Variants in C8orf34 observed in about 807,000 individuals in gnomAD.
C8orf34 encodes the protein chromosome 8 open reading frame 34, also known as uncharacterized protein C8orf34.
In C8orf34, 65 loss-of-function variants were observed where a neutral mutation model predicts 68.3. The observed-to-expected ratio is 0.95, with a 90% CI of 0.78 to 1.17. C8orf34 has a LOEUF of 1.17. C8orf34 is among the 50% of genes most tolerant of loss of function. The probability of loss-of-function intolerance (pLI) is 0.00; values close to 1 mark genes in which losing one functional copy is unlikely to be tolerated. For missense variants in C8orf34, 664 were observed against 655.4 expected (o/e 1.01, Z -0.14); for synonymous variants, 244 against 241.2 (o/e 1.01, Z -0.11).
chr8:68,739,316 C>T (rs1046674638), intron 10 of C8orf34, among the ~76,000 whole-genome samples: 5 of 151,998 alleles, frequency 3.3e-5, no homozygotes, highest in African/African-American at 1.2e-4. Context: ...CCATATCTGA[C>T]AAACCCACAG....
At chr8:68,671,900 T>C (rs1820023611) in intron 8 of C8orf34, among the ~76,000 whole-genome samples, 1 of 152,178 alleles carries the variant, frequency 6.6e-6, no homozygotes, top group Admixed American at 6.5e-5. Context: ...AGAATCTTTG[T>C]GCTAGATACA....
chr8:68,693,087 G>C (rs1370960466), intron 8 of C8orf34, among the ~76,000 whole-genome samples: 1 of 152,036 alleles, frequency 6.6e-6, no homozygotes, highest in Non-Finnish European at 1.5e-5. Flanking sequence ...TTCATTTCCT[G>C]TAGTCTTAGA....
chr8:68,685,157 C>T (rs189416587), intron 8 of C8orf34, among the ~76,000 whole-genome samples: 1 of 152,036 alleles, frequency 6.6e-6, no homozygotes, highest in Non-Finnish European at 1.5e-5. Flanking sequence ...AATGCTTGAA[C>T]CTATTGTTAT....
intron 1 of C8orf34, among the ~76,000 whole-genome samples, chr8:68,380,506 A>G (rs1013366967): frequency 3.3e-5 from 5 of 152,242 alleles, no homozygotes; most frequent in South Asian, 2.1e-4. Flanking sequence ...CCTGCTTCCA[A>G]TGTAATACAC....
chr8:68,425,198 A>G (rs930359756), intron 1 of C8orf34, among the ~76,000 whole-genome samples: 3 of 152,186 alleles, frequency 2.0e-5, no homozygotes, highest in Non-Finnish European at 4.4e-5. Flanking sequence ...GAAAAACTGA[A>G]TGCTTTTCCT....
intron 5 of C8orf34, among the ~76,000 whole-genome samples, chr8:68,506,832 C>G (rs1258961767): frequency 6.6e-6 from 1 of 152,026 alleles, no homozygotes; most frequent in African/African-American, 2.4e-5. Context: ...TACCACATCT[C>G]TTTTTTAATA....
intron 7 of C8orf34, among the ~76,000 whole-genome samples, chr8:68,598,446 A>G (rs1349212378): frequency 6.6e-6 from 1 of 152,184 alleles, no homozygotes; most frequent in African/African-American, 2.4e-5. Context: ...CCAGTTCCTC[A>G]GACAGCAAAG....
chr8:68,606,370 T>C (rs770131230), intron 7 of C8orf34, among the ~76,000 whole-genome samples: 8 of 152,144 alleles, frequency 5.3e-5, no homozygotes, highest in South Asian at 2.1e-4. Flanking sequence ...GGAAAAGATA[T>C]TCCCTCATAT....
chr8:68,538,830 C>T (rs1272042173), intron 7 of C8orf34, among the ~76,000 whole-genome samples: 2 of 152,102 alleles, frequency 1.3e-5, no homozygotes, highest in Non-Finnish European at 2.9e-5. Context: ...AATTATTCTA[C>T]TGTCTTTCAT....
chr8:68,537,960 G>A (rs532344760), intron 7 of C8orf34, among the ~76,000 whole-genome samples: 1 of 152,050 alleles, frequency 6.6e-6, no homozygotes, highest in East Asian at 1.9e-4. Flanking sequence ...AAAATTTCCA[G>A]TGGTAAAAAT....
At chr8:68,680,439 C>G (rs2130873745) in intron 8 of C8orf34, among the ~76,000 whole-genome samples, 1 of 152,250 alleles carries the variant, frequency 6.6e-6, no homozygotes, top group African/African-American at 2.4e-5. Context: ...AATTTTACAG[C>G]TGGGCCACTG....
At chr8:68,608,022 T>C (rs1297725728) in intron 7 of C8orf34, among the ~76,000 whole-genome samples, 1 of 151,284 alleles carries the variant, frequency 6.6e-6, no homozygotes, top group African/African-American at 2.5e-5. Context: ...AATGAACAGA[T>C]AGTAGGAAAC....
chr8:68,762,983 G>T (rs1244933760), intron 10 of C8orf34, among the ~76,000 whole-genome samples: 1 of 152,166 alleles, frequency 6.6e-6, no homozygotes, highest in African/African-American at 2.4e-5. Flanking sequence ...TTGGAATTGT[G>T]GTTCATTAAG....
intron 1 of C8orf34, among the ~76,000 whole-genome samples, chr8:68,368,006 G>A (rs1007518292): frequency 7.3e-5 from 11 of 149,742 alleles, no homozygotes; most frequent in Non-Finnish European, 7.4e-5. Flanking sequence ...CACTAGTGAA[G>A]GTGCTATAGA....
rs60113883 is a variant in C8orf34, at chr8:68,610,861, G to GTTTTTTTTTTTTTTTTTTTTTTTTTTTTT, written c.1106-29495_1106-29494insTTTTTTTTTTTTTTTTTTTTTTTTTTTTT. Reference sequence around the variant, plus strand: ...GTTTTCTGGTTACAGTGAATCTTTGGTTTTTTTTTTTTTTTTTTTTGAGAC... The same window carrying GTTTTTTTTTTTTTTTTTTTTTTTTTTTTT: ...GTTTTCTGGTTACAGTGAATCTTTGGTTTTTTTTTTTTTTTTTTTTTTTTTTTTTTTTTTTTTTTTTTTTTTTTTGAGAC... On this transcript the variant is annotated intron_variant, in intron 7 of 13. Transcript: ENST00000518698. Among the ~76,000 whole-genome samples, 2 of 120,476 alleles carry GTTTTTTTTTTTTTTTTTTTTTTTTTTTTT rather than the reference G, an allele frequency of 1.7e-5. 1 individual carries two copies. The allele number at this position is 120,476 out of a possible 152,430, so 79.0% of individuals were successfully genotyped here.
intron 1 of C8orf34, among the ~76,000 whole-genome samples, chr8:68,412,404 T>G (rs1809480559): frequency 1.3e-5 from 2 of 152,168 alleles, no homozygotes; most frequent in South Asian, 4.1e-4. Flanking sequence ...CTTAAACATT[T>G]TAGACTTGCT....
chr8:68,641,351 A>C (rs1819004722), intron 8 of C8orf34, among the ~76,000 whole-genome samples: 1 of 152,140 alleles, frequency 6.6e-6, no homozygotes, highest in Admixed American at 6.6e-5. Context: ...CCCCTTTGGA[A>C]GTTTTATTTT....
chr8:68,712,462 G>A (rs575048895), intron 9 of C8orf34, among the ~76,000 whole-genome samples: 5 of 152,002 alleles, frequency 3.3e-5, no homozygotes, highest in African/African-American at 7.2e-5. Flanking sequence ...AACACATAAG[G>A]ACTCATATAA....
intron 5 of C8orf34, among the ~76,000 whole-genome samples, chr8:68,495,555 A>T (rs1202144448): frequency 2.6e-5 from 4 of 152,250 alleles, no homozygotes; most frequent in Non-Finnish European, 4.4e-5. Context: ...ACATAAAAAG[A>T]AAATAGAAGT....
Sources: gnomAD v4.1 joint callset for allele counts (sites outside exome capture counted in the v4.1 genomes callset) on GRCh38, gnomAD v4.1.1 for gene constraint, MANE v1.5 for transcripts, NCBI Gene and HGNC (gene_info 2026-07-23, HGNC 2026-07-21) for gene names.